The following NSD3 variants were observed in gnomAD, a reference collection of about 807,000 sequenced individuals.
NSD3 encodes nuclear receptor binding SET domain protein 3.
In NSD3, 24 loss-of-function variants were observed where a neutral mutation model predicts 160.8. The observed-to-expected ratio is 0.15, with a 90% confidence interval of 0.11 to 0.21. NSD3 has a LOEUF of 0.21. Among genes scored for constraint, NSD3 ranks in the 10% least tolerant of loss-of-function variants. The probability of loss-of-function intolerance (pLI) is 1.00; values close to 1 mark genes in which losing one functional copy is unlikely to be tolerated. For synonymous variants in NSD3, 520 were observed against 600.0 expected, an observed-to-expected ratio of 0.87 and a Z score of 1.95; for missense variants, 1,157 against 1,735.9, an observed-to-expected ratio of 0.67 and a Z score of 5.93.
At chr8:38,310,982 G>T in intron 12 of NSD3, among the ~76,000 whole-genome samples, 1 of 149,768 alleles carries the variant, frequency 6.7e-6, no homozygotes, top group African/African-American at 2.5e-5. Flanking sequence ...AAGCCAACAT[G>T]TTGTTTTCTT....
intron 16 of NSD3, among the ~76,000 whole-genome samples, chr8:38,292,575 G>A (rs1223186942): frequency 2.0e-5 from 3 of 152,036 alleles, no homozygotes; most frequent in Non-Finnish European, 4.4e-5. Context: ...GAGGTCAGGA[G>A]ATCGAGACCA....
chr8:38,291,387 C>G (rs1485230931), intron 16 of NSD3, among the ~76,000 whole-genome samples: 1 of 152,136 alleles, frequency 6.6e-6, no homozygotes, highest in African/African-American at 2.4e-5. Context: ...AGCTAACAGT[C>G]AGAAAATGAG....
At chr8:38,314,438 G>C (rs1358099786) in intron 12 of NSD3, among the ~76,000 whole-genome samples, 2 of 152,144 alleles carry the variant, frequency 1.3e-5, no homozygotes, top group Admixed American at 6.5e-5. Flanking sequence ...TAATTTGACA[G>C]GTTTTATGGT....
chr8:38,315,837 A>T, intron 10 of NSD3, 75 bp downstream of exon 10: 2 of 1,544,190 alleles, frequency 1.3e-6, no homozygotes, highest in East Asian at 2.3e-5. Context: ...AAATGTCCTG[A>T]TTTCCCCAAA....
intron 15 of NSD3, among the ~76,000 whole-genome samples, chr8:38,297,791 T>C (rs1460685232): frequency 1.3e-5 from 2 of 152,152 alleles, no homozygotes; most frequent in Non-Finnish European, 2.9e-5. Flanking sequence ...GGAATTTGTC[T>C]ATAAATTTAA....
rs535520900 is a variant in NSD3, at chr8:38,327,557, C to T, written c.1582-701G>A. 1.3e-3 allele frequency among the ~76,000 whole-genome samples: 199 copies of T among 152,158 alleles called. 1 individual carries two copies. Among genetic ancestry groups the T allele is most frequent in the African/African-American group, 4.5e-3 (186 of 41,496 alleles). ...CATTTTAAAATGCACAGTAAGATCA[C>T]GTGAGGTAGAGTATTTGTCTAAGTC... On this transcript the variant is annotated intron_variant, in intron 6 of 23. Coordinates refer to ENST00000317025, the MANE Select transcript of NSD3 (RefSeq NM_023034.2).
chr8:38,278,244 ACTT>A (rs1808658719), intron 22 of NSD3, 59 bp downstream of exon 22: 9 of 1,490,066 alleles, frequency 6.0e-6, no homozygotes, highest in Non-Finnish European at 8.3e-6. Flanking sequence ...GGCCAAACAG[ACTT>A]CTTAACAGCC....
chr8:38,337,358 C>G lies in NSD3; in HGVS notation c.857G>C (p.Cys286Ser). ...SKVGTYPWWP[C>S]MVSSDPQLEV... ...AAGCTGGGGATCACTTGAAACCATA[C>G]AAGGCCACCAAGGATAGGTTCCCAC... Residue 286 changes from cysteine (C) to serine (S), a missense_variant, in exon 4 of 24, where the codon TGT becomes TCT. Cys to Ser is a moderately radical substitution (Grantham distance 112). This residue lies in a region of NSD3 where 99 missense variants were observed against 151.8 expected (regional missense o/e 0.65). Transcript: ENST00000317025. 2.5e-6 allele frequency: 4 copies of G among 1,612,164 alleles called. No homozygotes were observed. Among genetic ancestry groups the G allele is most frequent in the Non-Finnish European group, 3.4e-6 (4 of 1,179,322 alleles).
intron 19 of NSD3, among the ~76,000 whole-genome samples, chr8:38,284,276 G>C (rs1244818189): frequency 6.6e-6 from 1 of 152,164 alleles, no homozygotes; most frequent in Non-Finnish European, 1.5e-5. Flanking sequence ...TTTGGACTTT[G>C]TTATCAGCTG....
At chr8:38,284,450 G>A (rs1161867903) in intron 19 of NSD3, among the ~76,000 whole-genome samples, 1 of 152,166 alleles carries the variant, frequency 6.6e-6, no homozygotes, top group African/African-American at 2.4e-5. Flanking sequence ...GTGCAATGGC[G>A]TGATCTTGGC....
chr8:38,277,089 G>A (rs1405080824), intron 22 of NSD3, among the ~76,000 whole-genome samples: 1 of 151,888 alleles, frequency 6.6e-6, no homozygotes, highest in Non-Finnish European at 1.5e-5. Context: ...CTACAGGCAC[G>A]TGCTGCCACA....
intron 1 of NSD3, among the ~76,000 whole-genome samples, chr8:38,349,606 A>C (rs969383761): frequency 2.0e-5 from 3 of 147,752 alleles, no homozygotes; most frequent in Non-Finnish European, 4.5e-5. Context: ...TCATACCAAT[A>C]GTGTGTGCTT....
chr8:38,372,718 A>C (rs1454073602), intron 1 of NSD3, among the ~76,000 whole-genome samples: 3 of 144,502 alleles, frequency 2.1e-5, no homozygotes, highest in Non-Finnish European at 4.5e-5. Context: ...CTGGTCTCCA[A>C]CTCCTCCCCT....
rs764026950 is a variant in NSD3, at chr8:38,318,929, A to T, written c.1821T>A (p.Val607=). 1 of 1,611,158 alleles carries T rather than the reference A, an allele frequency of 6.2e-7. No homozygotes were observed. The highest frequency in any genetic ancestry group is 8.5e-7 in the Non-Finnish European group (1 of 1,179,088). ...KKIKKEQVET[V]PQATVKTGLQ... ...ATCCAGTCTTCACTGTAGCCTGAGG[A>T]ACTGTTTCAACCTGTTTGGACAGAA... is the stretch of plus-strand genomic sequence containing the variant. Residue 607 remains valine (V), a synonymous_variant, in exon 9 of 24, where the codon GTT becomes GTA. Coordinates refer to ENST00000317025, the MANE Select transcript of NSD3 (RefSeq NM_023034.2). This position sits in a 1 kb window ranked among gnomAD's most constrained non-coding sequence, Gnocchi z 5.3.
chr8:38,366,906 T>C (rs1256513063), intron 1 of NSD3, among the ~76,000 whole-genome samples: 1 of 152,198 alleles, frequency 6.6e-6, no homozygotes, highest in Non-Finnish European at 1.5e-5. Context: ...ATACAGAATA[T>C]TTCTGTCATC....
At chr8:38,314,911 T>C (rs925542793) in intron 11 of NSD3, 138 bp from the exon 12 acceptor site, 12 of 819,714 alleles carry the variant, frequency 1.5e-5, no homozygotes, top group Non-Finnish European at 3.8e-6. Flanking sequence ...CCCAAGAATG[T>C]GCATTTCTAA....
At chr8:38,328,383 T>C (rs1044136025) in intron 6 of NSD3, among the ~76,000 whole-genome samples, 1 of 152,156 alleles carries the variant, frequency 6.6e-6, no homozygotes, top group Non-Finnish European at 1.5e-5. Context: ...AGATGCAACA[T>C]ACTCATTTGC....
At position 38,382,222 on chromosome 8, in the gene NSD3, G is replaced by T; in HGVS notation, c.-468C>A. The stretch of plus-strand genomic sequence containing the variant: ...CACAGCCCCCTCGGCCTCCGCCTCC[G>T]TGCTGGCCGCCGCCGCCGCCTCTCC... On this transcript the variant is annotated 5_prime_UTR_variant, in exon 1 of 24. Transcript: ENST00000317025. The surrounding 1 kb of genome is among the most constrained non-coding windows in gnomAD (Gnocchi z 4.2). 5.9e-6 allele frequency: 1 copy of T among 169,988 alleles called. No individual in the cohort carries two copies. The highest frequency in any genetic ancestry group is 1.2e-5 in the Non-Finnish European group (1 of 82,364). The allele number at this position is 169,988 out of a possible 1,614,324, so 10.5% of individuals were successfully genotyped here.
chr8:38,367,234 C>T (rs1240268894), intron 1 of NSD3, among the ~76,000 whole-genome samples: 3 of 151,920 alleles, frequency 2.0e-5, no homozygotes, highest in African/African-American at 4.8e-5. Flanking sequence ...GCATAAATTC[C>T]GAGGACAGAC....
Sources: allele counts gnomAD v4.1 joint callset (sites outside exome capture counted in the v4.1 genomes callset), GRCh38; gene constraint gnomAD v4.1.1; regional missense constraint gnomAD v4.1.1; non-coding constraint Gnocchi (gnomAD v3.1); transcripts MANE v1.5; gene names NCBI Gene and HGNC (gene_info 2026-07-23, HGNC 2026-07-21).